MAML1: variants seen among roughly 807,000 people sequenced by gnomAD.
MAML1 encodes mastermind like transcriptional coactivator 1.
In MAML1, 14 loss-of-function variants were observed where a neutral mutation model predicts 77.1. The observed-to-expected ratio is 0.18, with a 90% CI of 0.12 to 0.28. MAML1 has a LOEUF of 0.28. MAML1 is among the 10% of genes least tolerant of loss of function. The pLI is 1.00. For missense variants in MAML1, 1,217 were observed against 1,327.8 expected (o/e 0.92, Z 1.30); for synonymous variants, 516 against 551.9 (o/e 0.93, Z 0.91).
intron 1 of MAML1, among the ~76,000 whole-genome samples, chr5:179,744,836 C>T (rs1252259838): frequency 2.0e-5 from 3 of 152,120 alleles, no homozygotes; most frequent in East Asian, 3.8e-4. Context: ...GATTCTGGTA[C>T]ATCTATTTCT....
At chr5:179,749,624 C>T (rs761284926) in intron 1 of MAML1, among the ~76,000 whole-genome samples, 2 of 152,138 alleles carry the variant, frequency 1.3e-5, no homozygotes, top group Admixed American at 6.5e-5. Flanking sequence ...AGATGTGTTC[C>T]ACCAAATTGA....
chr5:179,744,808 T>G (rs546152226), intron 1 of MAML1, among the ~76,000 whole-genome samples: 3 of 152,184 alleles, frequency 2.0e-5, no homozygotes, highest in Non-Finnish European at 4.4e-5. Context: ...TGCAGAATAA[T>G]AGATGTAGCA....
intron 1 of MAML1, among the ~76,000 whole-genome samples, chr5:179,763,393 T>A (rs1779756687): frequency 6.6e-6 from 1 of 151,526 alleles, no homozygotes; most frequent in Non-Finnish European, 1.5e-5. Flanking sequence ...GGGGCGGTGT[T>A]CTGAATCCTA....
At chr5:179,735,516 T>C (rs1779148922) in intron 1 of MAML1, among the ~76,000 whole-genome samples, 1 of 152,106 alleles carries the variant, frequency 6.6e-6, no homozygotes, top group African/African-American at 2.4e-5. Context: ...GCCTCCCTAC[T>C]AGCTGGGATT....
At chr5:179,754,319 G>C (rs887338072) in intron 1 of MAML1, among the ~76,000 whole-genome samples, 2 of 152,110 alleles carry the variant, frequency 1.3e-5, no homozygotes, top group African/African-American at 2.4e-5. Context: ...TTGAAGGCAG[G>C]CATGGTGGTT....
At chr5:179,743,455 C>A (rs1186065389) in intron 1 of MAML1, among the ~76,000 whole-genome samples, 2 of 148,664 alleles carry the variant, frequency 1.3e-5, no homozygotes, top group Non-Finnish European at 3.0e-5. Flanking sequence ...CAAGCTCCAC[C>A]TCCCAGGTTC....
chr5:179,751,534 G>A (rs187779972), intron 1 of MAML1, among the ~76,000 whole-genome samples: 19 of 152,054 alleles, frequency 1.2e-4, no homozygotes, highest in East Asian at 1.9e-4. Context: ...GCGAAAGCCC[G>A]TCTCTACTAA....
At chr5:179,740,087 A>T (rs897731711) in intron 1 of MAML1, among the ~76,000 whole-genome samples, 1 of 152,216 alleles carries the variant, frequency 6.6e-6, no homozygotes, top group East Asian at 1.9e-4. Flanking sequence ...GATGATTGAG[A>T]GGCTGTCAGT....
At chr5:179,772,974 TC>T (rs1172320994) in intron 4 of MAML1, among the ~76,000 whole-genome samples, 7 of 152,350 alleles carry the variant, frequency 4.6e-5, no homozygotes, top group Admixed American at 4.6e-4. Context: ...CACTGCAGCC[TC>T]CGCCTCCCGG....
At position 179,746,895 on chromosome 5, in the gene MAML1, G is replaced by T. The variant is rs540571459; in HGVS notation, c.315+13468G>T. The stretch of plus-strand genomic sequence containing the variant: ...AGCCTTTAGCAAGTCTTATAAATTG[G>T]TTATTGATTATGCCTGCTATTCTTT... On this transcript the variant is annotated intron_variant, in intron 1 of 4. Transcript: ENST00000292599. Among the ~76,000 whole-genome samples the T allele has an allele frequency of 2.0e-4, 31 of 152,290 alleles. No homozygotes were observed. The East Asian group carries it at 5.4e-3, about 27-fold the overall frequency.
chr5:179,774,710 C>T lies in MAML1; in HGVS notation c.2884C>T (p.Pro962Ser). The change falls in exon 5 of 5, where the codon CCT becomes TCT. Residue 962 changes from proline (P) to serine (S), a missense_variant. Physicochemically the swap from Pro to Ser is moderately conservative, Grantham distance 74. This residue lies in a region of MAML1 where 884 missense variants were observed against 949.3 expected (regional missense o/e 0.93). Transcript: ENST00000292599. The part of the protein sequence containing the change: ...RAGLHCTQAY[P>S]VRTAGQELPF... Reference sequence around the variant, plus strand: ...GGGGCTGCACTGCACCCAGGCCTACCCTGTGCGGACCGCGGGCCAGGAGCT... The same window carrying T: ...GGGGCTGCACTGCACCCAGGCCTACTCTGTGCGGACCGCGGGCCAGGAGCT... 3.1e-6 allele frequency: 5 copies of T among 1,610,900 alleles called. No homozygotes were observed. The highest frequency in any genetic ancestry group is 4.2e-6 in the Non-Finnish European group (5 of 1,179,994).
At position 179,775,257 on chromosome 5, in the gene MAML1, C is replaced by T. The variant is rs77403548; in HGVS notation, c.*380C>T. On this transcript the variant is annotated 3_prime_UTR_variant, in exon 5 of 5. Coordinates refer to ENST00000292599, the MANE Select transcript of MAML1 (RefSeq NM_014757.5). The stretch of plus-strand genomic sequence containing the variant: ...TTATCCAAGACTGCTCCACTTACCC[C>T]AGTGCTGGGGACAAGTTTCTGTTGA... 2,878 of 1,010,374 alleles carry T rather than the reference C, an allele frequency of 2.8e-3. 66 individuals carry two copies. In the African/African-American group the frequency reaches 0.046, roughly 16 times the overall value. 62.6% of individuals were successfully genotyped at this position (1,010,374 alleles called of 1,614,324 possible). A position where few individuals can be genotyped will look rare whatever the true frequency, so the allele number is the denominator to read the frequency against.
At chr5:179,746,175 G>A (rs1171114398) in intron 1 of MAML1, among the ~76,000 whole-genome samples, 7 of 145,938 alleles carry the variant, frequency 4.8e-5, no homozygotes, top group African/African-American at 7.6e-5. Flanking sequence ...GCGAAACCCC[G>A]TCTCTACTAA....
intron 1 of MAML1, among the ~76,000 whole-genome samples, chr5:179,747,438 G>C (rs188245043): frequency 1.3e-5 from 2 of 152,214 alleles, no homozygotes; most frequent in East Asian, 3.9e-4. Flanking sequence ...AGGAGGGAGC[G>C]ACCTGAATGT....
chr5:179,766,007 C>T lies in MAML1; in HGVS notation c.997C>T (p.Pro333Ser), dbSNP rs1275164531. The T allele has an allele frequency of 6.2e-7, 1 of 1,603,920 alleles. No individual in the cohort carries two copies. Residue 333 changes from proline (P) to serine (S), a missense_variant, in exon 2 of 5, where the codon CCT (proline) becomes TCT (serine). Transcript: ENST00000292599. This position sits in a 1 kb window ranked among gnomAD's most constrained non-coding sequence, Gnocchi z 4.0. ...GQTFLGPSSA[P>S]VSTDSPSLGG... Reference sequence around the variant, plus strand: ...GACCTTTCTGGGGCCTTCCTCTGCCCCTGTGAGTACAGATTCCCCCAGCCT... The same window carrying T: ...GACCTTTCTGGGGCCTTCCTCTGCCTCTGTGAGTACAGATTCCCCCAGCCT...
At chr5:179,768,725 T>A in intron 2 of MAML1, 125 bp from the exon 3 acceptor site, 1 of 1,238,928 alleles carries the variant, frequency 8.1e-7, no homozygotes, top group South Asian at 1.4e-5. Flanking sequence ...GGGATGGTTG[T>A]TATTCGAGGT....
intron 1 of MAML1, among the ~76,000 whole-genome samples, chr5:179,738,741 C>T (rs770070796): frequency 3.3e-5 from 5 of 152,094 alleles, no homozygotes; most frequent in Non-Finnish European, 7.3e-5. Flanking sequence ...AAGTTGCCTC[C>T]GTAAAGGACA....
At chr5:179,753,663 T>TTTA (rs1554150385) in intron 1 of MAML1, among the ~76,000 whole-genome samples, 3 of 125,136 alleles carry the variant, frequency 2.4e-5, no homozygotes, top group East Asian at 2.3e-4. Flanking sequence ...TATTTTTTTT[T>TTTA]TTTTTTTTTT....
At chr5:179,760,857 C>G in intron 1 of MAML1, among the ~76,000 whole-genome samples, 1 of 150,886 alleles carries the variant, frequency 6.6e-6, no homozygotes, top group African/African-American at 2.4e-5. Context: ...TTTGGGAGGC[C>G]GAGGTGGGCA....
Sources: allele counts gnomAD v4.1 joint callset (sites outside exome capture counted in the v4.1 genomes callset), GRCh38; gene constraint gnomAD v4.1.1; regional missense constraint gnomAD v4.1.1; non-coding constraint Gnocchi (gnomAD v3.1); transcripts MANE v1.5; gene names NCBI Gene and HGNC (gene_info 2026-07-23, HGNC 2026-07-21).